Variants in EPHA6 observed in about 807,000 individuals in gnomAD.
EPHA6 encodes EPH receptor A6, also known as ephrin type-A receptor 6.
EPHA6 carries 50 observed loss-of-function variants against 112.0 expected under a neutral mutation model. That is an observed-to-expected ratio of 0.45 (90% CI 0.36 to 0.56). The LOEUF (loss-of-function observed/expected upper bound fraction) is 0.56, where lower values mean the gene tolerates loss of function less well. EPHA6 is among the 20% of genes least tolerant of loss of function. The probability of loss-of-function intolerance (pLI) is 0.00; values close to 1 mark genes in which losing one functional copy is unlikely to be tolerated. For missense variants in EPHA6, 1,280 were observed against 1,417.4 expected (o/e 0.90, Z 1.56); for synonymous variants, 529 against 490.7 (o/e 1.08, Z -1.03).
At chr3:97,406,679 G>A (rs756578446) in intron 6 of EPHA6, among the ~76,000 whole-genome samples, 2 of 151,982 alleles carry the variant, frequency 1.3e-5, no homozygotes, top group Non-Finnish European at 2.9e-5. Context: ...TCCATTTTTT[G>A]TTGCTCTAAT....
rs1470981476 is a variant in EPHA6, at chr3:97,749,414, A to C, written c.*713A>C. On this transcript the variant is annotated 3_prime_UTR_variant, in exon 18 of 18. Coordinates refer to ENST00000389672, the MANE Select transcript of EPHA6 (RefSeq NM_001080448.3). ...ATATTTCATAGTAGGTGGTAGTTTA[A>C]AGGCTTTTCACCTCTAATTTTATTT... Among the ~76,000 whole-genome samples, 2 of 152,112 alleles carry C rather than the reference A, an allele frequency of 1.3e-5. No homozygotes were observed. Among genetic ancestry groups the C allele is most frequent in the African/African-American group, 4.8e-5 (2 of 41,422 alleles).
intron 14 of EPHA6, among the ~76,000 whole-genome samples, chr3:97,667,363 A>T (rs1313055045): frequency 6.6e-6 from 1 of 152,224 alleles, no homozygotes; most frequent in African/African-American, 2.4e-5. Context: ...ATGTGACATT[A>T]TAGAATAAGA....
In EPHA6 at chr3:97,240,740, G is replaced by A. The variant is rs2078821624; in HGVS notation, c.1271-3212G>A. ...TCTGCAGAATGCTAGTATTCCTCTA[G>A]ATGATCCTTGGAAAATAAGATTCTA... On this transcript the variant is annotated intron_variant, in intron 4 of 17. Coordinates refer to ENST00000389672, the MANE Select transcript of EPHA6 (RefSeq NM_001080448.3). Among the ~76,000 whole-genome samples, 2 of 151,762 alleles carry A rather than the reference G, an allele frequency of 1.3e-5. 1 individual carries two copies. The highest frequency in any genetic ancestry group is 4.1e-4 in the South Asian group (2 of 4,826).
At chr3:97,053,742 A>G (rs770294121) in intron 3 of EPHA6, among the ~76,000 whole-genome samples, 1 of 152,110 alleles carries the variant, frequency 6.6e-6, no homozygotes, top group South Asian at 2.1e-4. Flanking sequence ...TTAAGCAGAC[A>G]TTATGCCTTC....
intron 2 of EPHA6, among the ~76,000 whole-genome samples, chr3:96,870,325 A>G (rs1357852454): frequency 6.6e-6 from 1 of 152,046 alleles, no homozygotes; most frequent in Admixed American, 6.6e-5. Flanking sequence ...TGAAGACCCA[A>G]GAACGAGGAG....
At position 97,736,222 on chromosome 3, in the gene EPHA6, A is replaced by G. The variant is rs2035246089; in HGVS notation, c.3128+104A>G. On this transcript the variant is annotated intron_variant, in intron 16 of 17. Coordinates refer to ENST00000389672, the MANE Select transcript of EPHA6 (RefSeq NM_001080448.3). ...AAAGGAAAAAAATGCCTTGATAACC[A>G]TCTAGTTGTTGACTTTGTGGAAACC... is the stretch of plus-strand genomic sequence containing the variant. 8.6e-6 allele frequency: 7 copies of G among 817,246 alleles called. No individual in the cohort carries two copies. In the East Asian group the frequency reaches 1.9e-4, roughly 23 times the overall value. 50.6% of individuals were successfully genotyped at this position (817,246 alleles called of 1,614,324 possible). A position where few individuals can be genotyped will look rare whatever the true frequency, so the allele number is the denominator to read the frequency against.
At chr3:96,950,504 T>A (rs2041481329) in intron 2 of EPHA6, among the ~76,000 whole-genome samples, 1 of 152,178 alleles carries the variant, frequency 6.6e-6, no homozygotes, top group South Asian at 2.1e-4. Context: ...TTCTCAGTTA[T>A]AATATATTAG....
rs9842304 is a variant in EPHA6, at chr3:97,672,934, T to A, written c.2784+34852T>A. On this transcript the variant is annotated intron_variant, in intron 14 of 17. Coordinates refer to ENST00000389672, the MANE Select transcript of EPHA6 (RefSeq NM_001080448.3). ...TTATTAGCACTCCAAAGTGAAAATG[T>A]TCTCCAGTAGTGAGAAGGAAATGGA... Among the ~76,000 whole-genome samples, 578 of 152,310 alleles carry A rather than the reference T, an allele frequency of 3.8e-3. 3 individuals are homozygous for A. The highest frequency in any genetic ancestry group is 0.012 in the African/African-American group (518 of 41,576).
At chr3:97,616,657 T>C (rs1050958771) in intron 13 of EPHA6, among the ~76,000 whole-genome samples, 3 of 151,996 alleles carry the variant, frequency 2.0e-5, no homozygotes, top group African/African-American at 7.2e-5. Flanking sequence ...AATAGCAGAA[T>C]AGACCAAATA....
intron 5 of EPHA6, among the ~76,000 whole-genome samples, chr3:97,352,906 A>G (rs1451930436): frequency 1.3e-5 from 2 of 152,098 alleles, no homozygotes; most frequent in Admixed American, 1.3e-4. Flanking sequence ...GAGAGGAAAG[A>G]GTAAAGAGGA....
At chr3:96,991,187 T>G (rs1367260230) in intron 3 of EPHA6, among the ~76,000 whole-genome samples, 3 of 152,186 alleles carry the variant, frequency 2.0e-5, no homozygotes, top group South Asian at 4.1e-4. Flanking sequence ...CATTTACTAT[T>G]TCTTAATCAC....
intron 10 of EPHA6, among the ~76,000 whole-genome samples, chr3:97,502,006 A>G (rs2092130123): frequency 6.6e-6 from 1 of 151,848 alleles, no homozygotes. Context: ...CCATGGAGAC[A>G]AGACAAGATG....
chr3:97,227,020 T>G (rs1463185488), intron 4 of EPHA6, among the ~76,000 whole-genome samples: 1 of 152,186 alleles, frequency 6.6e-6, no homozygotes, highest in Non-Finnish European at 1.5e-5. Context: ...ACACCAAGAA[T>G]TTTAAATGAA....
intron 15 of EPHA6, among the ~76,000 whole-genome samples, chr3:97,725,639 C>G (rs990083492): frequency 6.6e-6 from 1 of 152,116 alleles, no homozygotes; most frequent in East Asian, 1.9e-4. Flanking sequence ...AACAAGATCT[C>G]TCAACCTTAG....
At chr3:97,176,368 T>G (rs980236394) in intron 3 of EPHA6, among the ~76,000 whole-genome samples, 3 of 151,924 alleles carry the variant, frequency 2.0e-5, no homozygotes, top group African/African-American at 7.2e-5. Flanking sequence ...CATTTCTTGA[T>G]GTGTCTTAGT....
chr3:97,170,807 C>G (rs1007277127), intron 3 of EPHA6, among the ~76,000 whole-genome samples: 2 of 151,982 alleles, frequency 1.3e-5, no homozygotes, highest in African/African-American at 4.8e-5. Context: ...AAATAAATTC[C>G]AAGGAGTTAT....
chr3:97,668,226 A>G (rs1314736213), intron 14 of EPHA6, among the ~76,000 whole-genome samples: 1 of 152,188 alleles, frequency 6.6e-6, no homozygotes, highest in Non-Finnish European at 1.5e-5. Context: ...TCATATGTCA[A>G]CATGTATTAA....
intron 12 of EPHA6, among the ~76,000 whole-genome samples, chr3:97,600,478 G>T (rs187580374): frequency 2.6e-5 from 4 of 151,552 alleles, no homozygotes; most frequent in Non-Finnish European, 5.9e-5. Context: ...TAGCATGAAG[G>T]GTTGTTGAAT....
chr3:97,647,054 T>C (rs1026910785), intron 14 of EPHA6, among the ~76,000 whole-genome samples: 3 of 152,126 alleles, frequency 2.0e-5, no homozygotes, highest in Non-Finnish European at 2.9e-5. Flanking sequence ...CCTTCGTAAC[T>C]CAAGCTATTC....
Sources: gnomAD v4.1 joint callset for allele counts (sites outside exome capture counted in the v4.1 genomes callset) on GRCh38, gnomAD v4.1.1 for gene constraint, MANE v1.5 for transcripts, NCBI Gene and HGNC (gene_info 2026-07-23, HGNC 2026-07-21) for gene names.